The following NRG1 variants were observed in gnomAD, a reference collection of about 807,000 sequenced individuals.
The protein encoded by NRG1 is neuregulin 1, also known as pro-neuregulin-1, membrane-bound isoform.
A neutral mutation model predicts 63.8 loss-of-function variants in NRG1; 18 were observed. The observed-to-expected ratio is 0.28, with a 90% CI of 0.19 to 0.42. The LOEUF (loss-of-function observed/expected upper bound fraction) is 0.42. Ranked by LOEUF, NRG1 falls within the 10% of genes least tolerant of loss-of-function variation. NRG1 has a pLI of 1.00. For synonymous variants in NRG1, 302 were observed against 301.3 expected, an observed-to-expected ratio of 1.00 and a Z score of -0.02; for missense variants, 762 against 814.7, an observed-to-expected ratio of 0.94 and a Z score of 0.79.
intron 1 of NRG1, among the ~76,000 whole-genome samples, chr8:31,814,411 T>A (rs1159167820): frequency 6.6e-6 from 1 of 152,186 alleles, no homozygotes; most frequent in Non-Finnish European, 1.5e-5. Flanking sequence ...GAAATTGTGC[T>A]ATAGGGTGAC....
intron 1 of NRG1, among the ~76,000 whole-genome samples, chr8:32,007,536 T>C (rs1041872147): frequency 2.6e-5 from 4 of 152,046 alleles, no homozygotes. Flanking sequence ...AATAACTAGC[T>C]TGCCCAAGGT....
At chr8:31,741,751 G>T (rs1410001779) in intron 1 of NRG1, among the ~76,000 whole-genome samples, 2 of 151,902 alleles carry the variant, frequency 1.3e-5, no homozygotes. Flanking sequence ...ACTGCTTTGG[G>T]GTATACAATT....
intron 1 of NRG1, among the ~76,000 whole-genome samples, chr8:31,766,629 T>A (rs183406055): frequency 2.5e-3 from 384 of 152,326 alleles, no homozygotes; most frequent in Non-Finnish European, 4.2e-3. Context: ...ATATTTCTGA[T>A]TGAAATTGTC....
In NRG1 at chr8:32,044,741, AT is replaced by A. The variant is rs1272923461; in HGVS notation, c.37+405311del. 5.3e-5 allele frequency among the ~76,000 whole-genome samples: 8 copies of A among 151,390 alleles called. No homozygotes were observed. The East Asian group carries it at 7.8e-4, about 15-fold the overall frequency. ...GTCAAAGAAGAAGTGTCAAAAAAAA[AT>A]AAATTATTTCAAACTGCATAGAAAT... On this transcript the variant is annotated intron_variant, in intron 1 of 10. Coordinates refer to the NRG1 transcript ENST00000519301.
chr8:32,764,153 C>T (rs1390660485), exon 12 of NRG1: 2 of 1,614,076 alleles, frequency 1.2e-6, no homozygotes, highest in Admixed American at 1.7e-5. Context: ...ACATTGCTAA[C>T]AGATTGGAAG....
chr8:32,026,052 G>A (rs2130336729), intron 1 of NRG1, among the ~76,000 whole-genome samples: 1 of 147,222 alleles, frequency 6.8e-6, no homozygotes, highest in African/African-American at 2.5e-5. Context: ...ACTAAGTTTA[G>A]AGCATATACA....
At chr8:31,658,572 C>T (rs542899791) in intron 1 of NRG1, among the ~76,000 whole-genome samples, 2 of 152,320 alleles carry the variant, frequency 1.3e-5, no homozygotes, top group East Asian at 1.9e-4. Context: ...AAGCGATTCT[C>T]GTGCCTCAGC....
At chr8:32,587,086 G>C (rs67896540) in intron 1 of NRG1, among the ~76,000 whole-genome samples, 38,974 of 151,944 alleles carry the variant, frequency 0.26, 5,115 homozygotes, top group South Asian at 0.33. Context: ...GCCTGTGCCT[G>C]TGGTCCCAGC....
chr8:31,718,963 A>G (rs1018748614), intron 1 of NRG1, among the ~76,000 whole-genome samples: 3 of 152,208 alleles, frequency 2.0e-5, no homozygotes, highest in Non-Finnish European at 2.9e-5. Context: ...ATATGTATAC[A>G]TATATTATTT....
chr8:32,723,353 G>A (rs576974465), intron 5 of NRG1, among the ~76,000 whole-genome samples: 7 of 152,222 alleles, frequency 4.6e-5, no homozygotes, highest in African/African-American at 1.7e-4. Flanking sequence ...GATTTTGGTT[G>A]TTATCATTAT....
chr8:32,321,281 C>T (rs1357742917), intron 1 of NRG1, among the ~76,000 whole-genome samples: 2 of 152,078 alleles, frequency 1.3e-5, no homozygotes, highest in African/African-American at 4.8e-5. Flanking sequence ...TATAACTTGT[C>T]TTACTCCCAA....
intron 1 of NRG1, among the ~76,000 whole-genome samples, chr8:32,189,788 G>A (rs749906691): frequency 3.9e-5 from 6 of 152,040 alleles, no homozygotes; most frequent in Non-Finnish European, 7.4e-5. Flanking sequence ...ATATTTCACT[G>A]TGTTCCTCTG....
At chr8:31,916,053 A>G (rs559720506) in intron 1 of NRG1, among the ~76,000 whole-genome samples, 2 of 152,240 alleles carry the variant, frequency 1.3e-5, no homozygotes, top group African/African-American at 4.8e-5. Context: ...ACGTTAATTG[A>G]TGATACATTT....
At chr8:32,597,390 T>G (rs990214805) in intron 2 of NRG1, among the ~76,000 whole-genome samples, 1 of 152,186 alleles carries the variant, frequency 6.6e-6, no homozygotes, top group African/African-American at 2.4e-5. Flanking sequence ...GCTACATACT[T>G]TATTAACTAC....
intron 1 of NRG1, among the ~76,000 whole-genome samples, chr8:32,346,701 A>G (rs1405845067): frequency 6.6e-6 from 1 of 152,168 alleles, no homozygotes. Flanking sequence ...CATTTTTTAA[A>G]AATATTTTTA....
intron 1 of NRG1, among the ~76,000 whole-genome samples, chr8:31,952,125 T>C (rs1178002039): frequency 6.6e-6 from 1 of 152,212 alleles, no homozygotes; most frequent in Non-Finnish European, 1.5e-5. Context: ...TCAGGAGTAT[T>C]ATAGGATGTT....
At chr8:32,009,672 G>A (rs1234350610) in intron 1 of NRG1, among the ~76,000 whole-genome samples, 1 of 151,872 alleles carries the variant, frequency 6.6e-6, no homozygotes, top group African/African-American at 2.4e-5. Context: ...TTTACTCTTT[G>A]AATCAGGATG....
intron 1 of NRG1, among the ~76,000 whole-genome samples, chr8:31,646,917 GTTGT>G (rs1804344034): frequency 6.6e-6 from 1 of 152,150 alleles, no homozygotes; most frequent in Non-Finnish European, 1.5e-5. Context: ...TCAGAGAAAG[GTTGT>G]TTAATTTCCC....
intron 5 of NRG1, among the ~76,000 whole-genome samples, chr8:32,651,245 C>T (rs1855058126): frequency 1.3e-5 from 2 of 152,056 alleles, no homozygotes; most frequent in Non-Finnish European, 2.9e-5. Context: ...TTAATCTATG[C>T]ATTCATGTAG....
Sources: allele counts gnomAD v4.1 joint callset (sites outside exome capture counted in the v4.1 genomes callset), GRCh38; gene constraint gnomAD v4.1.1; transcripts MANE v1.5; gene names NCBI Gene and HGNC (gene_info 2026-07-23, HGNC 2026-07-21).